Variants in DOCK1 observed in about 807,000 individuals in gnomAD.
DOCK1 encodes dedicator of cytokinesis 1, also known as dedicator of cytokinesis protein 1.
DOCK1 carries 138 observed loss-of-function variants against 262.7 expected under a neutral mutation model. The ratio of observed to expected loss-of-function variants is 0.53; its 90% CI spans 0.46 to 0.61. The LOEUF (loss-of-function observed/expected upper bound fraction) is 0.61, where lower values mean the gene tolerates loss of function less well. Ranked by LOEUF, DOCK1 falls within the 20% of genes least tolerant of loss-of-function variation. The pLI, the probability that DOCK1 is intolerant of heterozygous loss-of-function variation, is 0.00. For synonymous variants in DOCK1, 866 were observed against 867.4 expected, an observed-to-expected ratio of 1.00 and a Z score of 0.03; for missense variants, 1,908 against 2,370.7, an observed-to-expected ratio of 0.80 and a Z score of 4.05.
chr10:127,372,530 A>G (rs879713136), intron 33 of DOCK1, among the ~76,000 whole-genome samples: 6 of 152,150 alleles, frequency 3.9e-5, no homozygotes, highest in East Asian at 1.9e-4. Flanking sequence ...TCTAAGACCA[A>G]CTGTATTCAG....
At chr10:126,955,124 G>GT (rs1328571456) in intron 1 of DOCK1, among the ~76,000 whole-genome samples, 1 of 152,070 alleles carries the variant, frequency 6.6e-6, no homozygotes, top group East Asian at 1.9e-4. Flanking sequence ...CACAGTTTTT[G>GT]TTTTTTGTTT....
chr10:127,202,323 CA>C lies in DOCK1; in HGVS notation c.2848-45672del, dbSNP rs201719816. On this transcript the variant is annotated intron_variant, in intron 27 of 51. Transcript: ENST00000623213. ...GGGTGACAGAGCGAGACTCTGTCTCCAAAAAAAAAAAAAGAACTAGGACAGG... is the reference window on the plus strand; with the variant it reads ...GGGTGACAGAGCGAGACTCTGTCTCCAAAAAAAAAAAAGAACTAGGACAGG... Among the ~76,000 whole-genome samples, 769 of 125,230 alleles carry C rather than the reference CA, an allele frequency of 6.1e-3. 2 individuals carry two copies. Among genetic ancestry groups the C allele is most frequent in the East Asian group, 0.031 (138 of 4,478 alleles). The allele number at this position is 125,230 out of a possible 152,430, so 82.2% of individuals were successfully genotyped here.
At chr10:127,301,016 T>C (rs1460118864) in intron 29 of DOCK1, among the ~76,000 whole-genome samples, 1 of 152,210 alleles carries the variant, frequency 6.6e-6, no homozygotes, top group Non-Finnish European at 1.5e-5. Flanking sequence ...TTGAACTGCT[T>C]GAGAGATGTC....
At chr10:126,953,939 A>G (rs1458609331) in intron 1 of DOCK1, among the ~76,000 whole-genome samples, 16 of 152,174 alleles carry the variant, frequency 1.1e-4, no homozygotes, top group African/African-American at 3.6e-4. Context: ...TGCTCGGTAC[A>G]TTTTTAAAAC....
intron 31 of DOCK1, 94 bp from the exon 32 acceptor site, chr10:127,354,575 C>A (rs1340599746): frequency 1.4e-6 from 2 of 1,456,770 alleles, no homozygotes; most frequent in Admixed American, 1.7e-5. Flanking sequence ...TGCCTCAGTG[C>A]TAGAAGGCTT....
chr10:127,362,271 C>T, intron 33 of DOCK1, 59 bp downstream of exon 33: 2 of 1,575,904 alleles, frequency 1.3e-6, no homozygotes, highest in East Asian at 2.2e-5. Context: ...AACCTGAAAA[C>T]CTTCAAAGAA....
chr10:127,194,203 A>G (rs2056940694), intron 27 of DOCK1, among the ~76,000 whole-genome samples: 1 of 152,256 alleles, frequency 6.6e-6, no homozygotes, highest in Non-Finnish European at 1.5e-5. Context: ...TAATTTATGC[A>G]AAATCATGCA....
In DOCK1 at chr10:126,996,885, T is replaced by C; in HGVS notation, c.609+2T>C. The C allele has an allele frequency of 1.3e-6, 2 of 1,594,032 alleles. No homozygotes were observed. The highest frequency in any genetic ancestry group is 1.7e-6 in the Non-Finnish European group (2 of 1,173,130). ...GAGGAAAGGTTACAAGAGGAAAAAG[T>C]AAGTTTGACTCTGTCATATGCCATT... On this transcript the variant is annotated splice_donor_variant, in intron 7 of 51. Coordinates refer to ENST00000623213, the MANE Select transcript of DOCK1 (RefSeq NM_001290223.2). LOFTEE classifies it high-confidence loss of function.
chr10:127,310,866 CAGA>C (rs1483472383), intron 29 of DOCK1, among the ~76,000 whole-genome samples: 1 of 152,012 alleles, frequency 6.6e-6, no homozygotes, highest in Non-Finnish European at 1.5e-5. Context: ...AAGTGACATT[CAGA>C]AGAAGAAAAG....
intron 27 of DOCK1, among the ~76,000 whole-genome samples, chr10:127,239,896 A>C (rs2059203579): frequency 6.6e-6 from 1 of 152,280 alleles, no homozygotes; most frequent in African/African-American, 2.4e-5. Flanking sequence ...CATAAACTAT[A>C]ATTTTGTATG....
chr10:127,308,442 A>T (rs2135480099), intron 29 of DOCK1, among the ~76,000 whole-genome samples: 1 of 152,276 alleles, frequency 6.6e-6, no homozygotes, highest in African/African-American at 2.4e-5. Flanking sequence ...TTTTACTTTA[A>T]GTTCCTGGAT....
intron 27 of DOCK1, among the ~76,000 whole-genome samples, chr10:127,195,282 C>G (rs1228846118): frequency 6.6e-6 from 1 of 152,158 alleles, no homozygotes; most frequent in Non-Finnish European, 1.5e-5. Context: ...CCCTCCTGCC[C>G]TCGCCCGCCA....
intron 1 of DOCK1, among the ~76,000 whole-genome samples, chr10:126,925,633 C>A (rs529670470): frequency 6.6e-6 from 1 of 152,114 alleles, no homozygotes; most frequent in East Asian, 1.9e-4. Context: ...CCGCCTGCCT[C>A]GGCCTCCCAA....
In DOCK1 at chr10:126,949,695, G is replaced by T. The variant is rs966380421; in HGVS notation, c.47-21007G>T. On this transcript the variant is annotated intron_variant, in intron 1 of 51. Transcript: ENST00000623213. ...ACTGATGCAGGAAGGATCTGGAGGG[G>T]AAAAGTATTACTCAAGAATATTTCA... Among the ~76,000 whole-genome samples, 10 of 152,276 alleles carry T rather than the reference G, an allele frequency of 6.6e-5. No individual in the cohort carries two copies. The South Asian group carries it at 1.9e-3, about 29-fold the overall frequency.
At chr10:127,021,332 A>C (rs949456927) in intron 13 of DOCK1, among the ~76,000 whole-genome samples, 2 of 152,052 alleles carry the variant, frequency 1.3e-5, no homozygotes, top group Non-Finnish European at 2.9e-5. Flanking sequence ...TGCCTGGCTA[A>C]TCTTTTTATT....
At chr10:127,051,230 GAGTATAGT>G (rs1243888642) in intron 21 of DOCK1, among the ~76,000 whole-genome samples, 1 of 151,964 alleles carries the variant, frequency 6.6e-6, no homozygotes, top group Non-Finnish European at 1.5e-5. Flanking sequence ...AACAGACTAA[GAGTATAGT>G]AGTCATTGTG....
intron 27 of DOCK1, among the ~76,000 whole-genome samples, chr10:127,230,749 G>A (rs562586790): frequency 4.0e-5 from 6 of 151,426 alleles, no homozygotes; most frequent in East Asian, 3.9e-4. Flanking sequence ...AGCTATTCTG[G>A]GTTTTTTGTT....
intron 38 of DOCK1, 89 bp from the exon 39 acceptor site, chr10:127,402,964 ACT>A: frequency 8.8e-7 from 1 of 1,141,116 alleles, no homozygotes; most frequent in Non-Finnish European, 1.3e-6. Context: ...GTACTTCTAC[ACT>A]GTTTTATTTT....
chr10:127,123,231 G>A (rs140637823), intron 25 of DOCK1, among the ~76,000 whole-genome samples: 16 of 152,226 alleles, frequency 1.1e-4, no homozygotes, highest in Non-Finnish European at 2.2e-4. Flanking sequence ...TACCTGCTCA[G>A]GTCTTAGTGG....
Sources: gnomAD v4.1 joint callset for allele counts (sites outside exome capture counted in the v4.1 genomes callset) on GRCh38, gnomAD v4.1.1 for gene constraint, MANE v1.5 for transcripts, NCBI Gene and HGNC (gene_info 2026-07-23, HGNC 2026-07-21) for gene names.